The following RALYL variants were observed in gnomAD, a reference collection of about 807,000 sequenced individuals.
RALYL encodes RNA-binding Raly-like protein.
In RALYL, 29 loss-of-function variants were observed where a neutral mutation model predicts 35.1. The ratio of observed to expected loss-of-function variants is 0.83; its 90% CI spans 0.61 to 1.13. RALYL has a LOEUF of 1.13. Ranked by LOEUF, RALYL falls within the 50% of genes most tolerant of loss-of-function variation. The pLI, the probability that RALYL is intolerant of heterozygous loss-of-function variation, is 0.00. For synonymous variants in RALYL, 120 were observed against 127.6 expected, an observed-to-expected ratio of 0.94 and a Z score of 0.40; for missense variants, 359 against 360.4, an observed-to-expected ratio of 1.00 and a Z score of 0.03.
chr8:84,635,025 A>G (rs891927719), intron 2 of RALYL, among the ~76,000 whole-genome samples: 2 of 151,778 alleles, frequency 1.3e-5, no homozygotes, highest in South Asian at 4.1e-4. Context: ...ATGGTGGTAA[A>G]AAAAGGTATT....
At chr8:84,459,752 T>G (rs2050539482) in intron 1 of RALYL, among the ~76,000 whole-genome samples, 1 of 151,756 alleles carries the variant, frequency 6.6e-6, no homozygotes, top group Non-Finnish European at 1.5e-5. Flanking sequence ...GAGTAGAATG[T>G]TTATGGAATG....
intron 1 of RALYL, among the ~76,000 whole-genome samples, chr8:84,398,294 CA>C (rs2042542597): frequency 6.6e-6 from 1 of 150,480 alleles, no homozygotes; most frequent in South Asian, 2.1e-4. Context: ...TTTGGTTTTA[CA>C]AGGTAAAGTT....
intron 8 of RALYL, among the ~76,000 whole-genome samples, chr8:84,894,136 A>T (rs1281091071): frequency 6.6e-6 from 1 of 152,172 alleles, no homozygotes; most frequent in African/African-American, 2.4e-5. Flanking sequence ...AAGCATTCTG[A>T]TCAGTATTCT....
rs186776270 is a variant in RALYL at position 84,218,637 on chromosome 8, G to C, written c.-24+34213G>C. On this transcript the variant is annotated intron_variant, in intron 1 of 8. Transcript: ENST00000521268. ...AGTGAGGTTTCACTCCCTCTGAAGA[G>C]TGTTTCTAACTCCAACACTGATTGG... is the stretch of plus-strand genomic sequence containing the variant. Among the ~76,000 whole-genome samples the C allele has an allele frequency of 5.4e-3, 829 of 152,142 alleles. 3 individuals carry two copies. Among genetic ancestry groups the C allele is most frequent in the Non-Finnish European group, 9.7e-3 (656 of 67,974 alleles).
intron 3 of RALYL, among the ~76,000 whole-genome samples, chr8:84,782,695 C>CAT (rs573617791): frequency 2.6e-5 from 4 of 152,192 alleles, no homozygotes; most frequent in Non-Finnish European, 5.9e-5. Context: ...GCGGTTAGAG[C>CAT]ACCAACAACA....
At chr8:84,737,968 T>C (rs1449893333) in intron 2 of RALYL, among the ~76,000 whole-genome samples, 4 of 152,020 alleles carry the variant, frequency 2.6e-5, no homozygotes, top group Non-Finnish European at 4.4e-5. Context: ...ATGGTGTTTT[T>C]CTATAGAAGC....
rs569942915 is a variant in RALYL at position 84,240,667 on chromosome 8, C to T, written c.-24+56243C>T. ...GATAAAAAAAGTTCTCATGGAAAGA[C>T]CAACTTGAATTAGGCATTTCTAAGA... is the stretch of plus-strand genomic sequence containing the variant. On this transcript the variant is annotated intron_variant, in intron 1 of 8. Coordinates refer to ENST00000521268, the MANE Select transcript of RALYL (RefSeq NM_173848.7). 1.1e-4 allele frequency among the ~76,000 whole-genome samples: 16 copies of T among 152,272 alleles called. No homozygotes were observed. The South Asian group carries it at 3.3e-3, about 32-fold the overall frequency.
intron 1 of RALYL, among the ~76,000 whole-genome samples, chr8:84,363,113 G>A (rs1853438513): frequency 6.6e-6 from 1 of 152,142 alleles, no homozygotes; most frequent in African/African-American, 2.4e-5. Context: ...TGGGCAGCTG[G>A]ATATAAGACA....
intron 2 of RALYL, among the ~76,000 whole-genome samples, chr8:84,623,639 G>T (rs1378366132): frequency 6.6e-6 from 1 of 152,018 alleles, no homozygotes; most frequent in Non-Finnish European, 1.5e-5. Context: ...TGAAATGAAA[G>T]AATACAAACA....
Sources: gnomAD v4.1 joint callset for allele counts (sites outside exome capture counted in the v4.1 genomes callset) on GRCh38, gnomAD v4.1.1 for gene constraint, MANE v1.5 for transcripts, NCBI Gene and HGNC (gene_info 2026-07-23, HGNC 2026-07-21) for gene names.